The following KHNYN variants were observed in gnomAD, a reference collection of about 807,000 sequenced individuals.
The protein encoded by KHNYN is KH and NYN domain containing.
In KHNYN, 42 loss-of-function variants were observed where a neutral mutation model predicts 62.7. The ratio of observed to expected loss-of-function variants is 0.67; its 90% confidence interval spans 0.52 to 0.87. KHNYN has a LOEUF of 0.87. KHNYN is among the 40% of genes least tolerant of loss of function. The pLI, the probability that KHNYN is intolerant of heterozygous loss-of-function variation, is 0.00. For missense variants in KHNYN, 829 were observed against 874.1 expected, an observed-to-expected ratio of 0.95 and a Z score of 0.65; for synonymous variants, 347 against 345.6, an observed-to-expected ratio of 1.00 and a Z score of -0.04.
chr14:24,437,566 C>T lies in KHNYN; in HGVS notation c.*281C>T, dbSNP rs1055060724. On this transcript the variant is annotated 3_prime_UTR_variant, in exon 8 of 8. Transcript: ENST00000553935. This position sits in a 1 kb window ranked among gnomAD's most constrained non-coding sequence, Gnocchi z 5.5. The stretch of plus-strand genomic sequence containing the variant: ...GGGGGCTGCTAGAGGGGATTAGTTC[C>T]GGAGACTGAGACTGTTGGCTCCACC... The T allele has an allele frequency of 5.2e-5, 16 of 308,574 alleles. No homozygotes were observed. Among genetic ancestry groups the T allele is most frequent in the African/African-American group, 2.8e-4 (13 of 46,928 alleles). The allele number at this position is 308,574 out of a possible 1,614,324, so 19.1% of individuals were successfully genotyped here.
chr14:24,429,852 C>A (rs1015350218), upstream of KHNYN: 3 of 1,015,170 alleles, frequency 3.0e-6, no homozygotes, highest in African/African-American at 1.7e-5. Flanking sequence ...GCCGAGCGGG[C>A]CCGTCGGGGC....
Position 24,429,968 on chromosome 14 carries a change from G to A in KHNYN, c.-169G>A, listed in dbSNP as rs2043073101. On this transcript the variant is annotated 5_prime_UTR_variant, in exon 1 of 8. In the 5' UTR this introduces an upstream ATG that the reference lacks. Transcript: ENST00000553935. ...ACTCAAGAAACAGTTTGCGTGCGAT[G>A]TGGACAAGAGAGGTCCCCGCTGGGT... 18 of 989,736 alleles carry A rather than the reference G, an allele frequency of 1.8e-5. No homozygotes were observed. In the South Asian group the frequency reaches 6.7e-4, roughly 37 times the overall value. The allele number at this position is 989,736 out of a possible 1,614,324, so 61.3% of individuals were successfully genotyped here. A position where few individuals can be genotyped will look rare whatever the true frequency, so the allele number is the denominator to read the frequency against.
upstream of KHNYN, chr14:24,428,242 C>T (rs767094845): frequency 1.9e-6 from 3 of 1,607,036 alleles, no homozygotes; most frequent in African/African-American, 4.0e-5. Context: ...TCTTCCCCCT[C>T]CCCACCCTCC....
At position 24,431,600 on chromosome 14, in the gene KHNYN, C is replaced by G; in HGVS notation, c.339C>G (p.Pro113=). 2 of 1,613,386 alleles carry G rather than the reference C, an allele frequency of 1.2e-6. No individual in the cohort carries two copies. The highest frequency in any genetic ancestry group is 1.7e-6 in the Non-Finnish European group (2 of 1,179,452). The change falls in exon 3 of 8, where the codon CCC becomes CCG. Residue 113 remains proline, a synonymous_variant. Coordinates refer to ENST00000553935, the MANE Select transcript of KHNYN (RefSeq NM_015299.3). ...GGAGCACGTCAGCCCATCTGGTGCCCAGGGCGCCAGGCTCACTGATGATCA... is the reference window on the plus strand; with the variant it reads ...GGAGCACGTCAGCCCATCTGGTGCCGAGGGCGCCAGGCTCACTGATGATCA... ...LAWSTSAHLV[P]RAPGSLMISG...
In KHNYN at chr14:24,436,483, C is replaced by T; in HGVS notation, c.1781C>T (p.Pro594Leu). ...GPTLDEFLKK[P>L]ARTQGSSKAQ... ...ACCCTGGATGAATTTCTGAAGAAGC[C>T]AGCCAGGTAATCAATCCCCTAGACT... is the stretch of plus-strand genomic sequence containing the variant. The change falls in exon 7 of 8, where the codon CCA becomes CTA. Residue 594 changes from proline (P) to leucine (L), a missense_variant. Physicochemically the swap from Pro to Leu is moderately conservative, Grantham distance 98. Coordinates refer to ENST00000553935, the MANE Select transcript of KHNYN (RefSeq NM_015299.3). The T allele has an allele frequency of 6.2e-7, 1 of 1,611,928 alleles. No homozygotes were observed. Among genetic ancestry groups the T allele is most frequent in the Non-Finnish European group, 8.5e-7 (1 of 1,178,896 alleles).
chr14:24,436,994 C>A (rs762007014), intron 7 of KHNYN, 42 bp from the exon 8 acceptor site: 16 of 1,584,750 alleles, frequency 1.0e-5, no homozygotes, highest in African/African-American at 1.4e-5. Flanking sequence ...TAATTTCCCC[C>A]CCAGGATGCT....
Position 24,441,329 on chromosome 14 carries a change from T to C in KHNYN, c.*4044T>C. 2.2e-6 allele frequency: 1 copy of C among 449,152 alleles called. No individual in the cohort carries two copies. Among genetic ancestry groups the C allele is most frequent in the South Asian group, 2.3e-5 (1 of 42,722 alleles). 27.8% of individuals were successfully genotyped at this position (449,152 alleles called of 1,614,324 possible). ...TGTAAGGAATAAATGATAATAAGCATAAAACACTTCAAATAGTGGCTGGTG... is the reference window on the plus strand; with the variant it reads ...TGTAAGGAATAAATGATAATAAGCACAAAACACTTCAAATAGTGGCTGGTG... On this transcript the variant is annotated 3_prime_UTR_variant, in exon 8 of 8. Transcript: ENST00000553935.
Position 24,432,199 on chromosome 14 carries a change from C to T in KHNYN, c.938C>T (p.Ala313Val). The change falls in exon 3 of 8, where the codon GCT (alanine) becomes GTT (valine). Residue 313 changes from alanine (A) to valine (V), a missense_variant. By Grantham distance (64) the Ala-to-Val change is moderately conservative. Around this residue, in one of 2 missense-constraint regions of KHNYN, gnomAD observed 559 missense variants for 527.0 expected, o/e 1.06. Coordinates refer to ENST00000553935, the MANE Select transcript of KHNYN (RefSeq NM_015299.3). This position sits in a 1 kb window ranked among gnomAD's most constrained non-coding sequence, Gnocchi z 5.6. ...AAGGCCCTGGGGAAGGAGGAGATAGCTCTGGGAGGAGGAGGGTTCTGTGTC... is the reference window on the plus strand; with the variant it reads ...AAGGCCCTGGGGAAGGAGGAGATAGTTCTGGGAGGAGGAGGGTTCTGTGTC... ...KGKALGKEEI[A>V]LGGGGFCVHR... is the part of the protein sequence containing the mutation. The T allele has an allele frequency of 6.3e-7, 1 of 1,587,722 alleles. No homozygotes were observed. Among genetic ancestry groups the T allele is most frequent in the Non-Finnish European group, 8.6e-7 (1 of 1,165,412 alleles).
At position 24,436,966 on chromosome 14, in the gene KHNYN, G is replaced by C. The variant is rs2043215024; in HGVS notation, c.1788-70G>C. The C allele has an allele frequency of 1.9e-6, 3 of 1,546,856 alleles. No individual in the cohort carries two copies. In the Admixed American group the frequency reaches 5.7e-5, roughly 30 times the overall value. ...AGGAATAGGCAGGACAATTACGAGAGGGGTGCCCACTAAGATCTAATTTCC... is the reference window on the plus strand; with the variant it reads ...AGGAATAGGCAGGACAATTACGAGACGGGTGCCCACTAAGATCTAATTTCC... On this transcript the variant is annotated intron_variant, in intron 7 of 7. Coordinates refer to ENST00000553935, the MANE Select transcript of KHNYN (RefSeq NM_015299.3).
rs1326768726 is a variant in KHNYN, at chr14:24,440,755, C to T, written c.*3470C>T. 1 of 1,611,176 alleles carries T rather than the reference C, an allele frequency of 6.2e-7. No homozygotes were observed. The highest frequency in any genetic ancestry group is 8.5e-7 in the Non-Finnish European group (1 of 1,178,260). ...CCAGCCCAGAGAAGACATTCCAACC[C>T]TGTCTGATACCCAGGCCCGTTTCTC... On this transcript the variant is annotated 3_prime_UTR_variant, in exon 8 of 8. Coordinates refer to ENST00000553935, the MANE Select transcript of KHNYN (RefSeq NM_015299.3).
rs1566507081 is a variant in KHNYN at position 24,441,008 on chromosome 14, CCTT to C, written c.*3726_*3728del. The C allele has an allele frequency of 1.4e-6, 2 of 1,421,906 alleles. No homozygotes were observed. The highest frequency in any genetic ancestry group is 2.3e-5 in the East Asian group (1 of 43,142). The allele number at this position is 1,421,906 out of a possible 1,614,324, so 88.1% of individuals were successfully genotyped here. On this transcript the variant is annotated 3_prime_UTR_variant, in exon 8 of 8. Coordinates refer to ENST00000553935, the MANE Select transcript of KHNYN (RefSeq NM_015299.3). ...GTAGTGGAGGCTCCCCTTGGCCTCA[CCTT>C]CTCTGGCCCTTAGGATCTCCCCATT...
intron 7 of KHNYN, 97 bp downstream of exon 7, chr14:24,436,586 C>T (rs887769291): frequency 4.5e-6 from 4 of 880,724 alleles, no homozygotes; most frequent in Non-Finnish European, 6.9e-6. Flanking sequence ...TCAGTTTGGG[C>T]CAGCTTAATT....
intron 5 of KHNYN, among the ~76,000 whole-genome samples, chr14:24,435,162 G>A (rs1431991940): frequency 6.6e-6 from 1 of 152,358 alleles, no homozygotes; most frequent in South Asian, 2.1e-4. Context: ...CTGTTCCTTA[G>A]CAAGTCTTGG....
intron 5 of KHNYN, among the ~76,000 whole-genome samples, chr14:24,433,936 T>G (rs1201106846): frequency 6.6e-6 from 1 of 152,158 alleles, no homozygotes; most frequent in East Asian, 1.9e-4. Flanking sequence ...TACAAGTTCT[T>G]TATTCTCTAG....
rs1228171065 is a variant in KHNYN, at chr14:24,436,920, C to T, written c.1788-116C>T. On this transcript the variant is annotated intron_variant, in intron 7 of 7. Transcript: ENST00000553935. The stretch of plus-strand genomic sequence containing the variant: ...ACTCAGTGGTCAGCTTCAGGAACTT[C>T]AGGATTTCTCCCCCAAAGCCAGGAA... The T allele has an allele frequency of 3.6e-6, 5 of 1,382,442 alleles. No individual in the cohort carries two copies. In the African/African-American group the frequency reaches 7.2e-5, roughly 20 times the overall value. 85.6% of individuals were successfully genotyped at this position (1,382,442 alleles called of 1,614,324 possible).
In KHNYN at chr14:24,437,216, C is replaced by T. The variant is rs1258596179; in HGVS notation, c.1968C>T (p.Ile656=). The T allele has an allele frequency of 7.4e-6, 12 of 1,614,116 alleles. No homozygotes were observed. Among genetic ancestry groups the T allele is most frequent in the Non-Finnish European group, 9.3e-6 (11 of 1,180,034 alleles). ...GTCAGGATCACAAAGTGGACTTCATCCTGCAGCGGGAGCCATACTGCCGGG... is the reference window on the plus strand; with the variant it reads ...GTCAGGATCACAAAGTGGACTTCATTCTGCAGCGGGAGCCATACTGCCGGG... The part of the protein sequence containing the change: ...FWGQDHKVDF[I]LQREPYCRDI... Residue 656 remains isoleucine (I), a synonymous_variant, in exon 8 of 8, where the codon ATC becomes ATT. Coordinates refer to ENST00000553935, the MANE Select transcript of KHNYN (RefSeq NM_015299.3). This position sits in a 1 kb window ranked among gnomAD's most constrained non-coding sequence, Gnocchi z 5.5.
In KHNYN at chr14:24,430,944, T is replaced by TCTCCCCCATCC. The variant is rs2043098575; in HGVS notation, c.201+18_201+28dup. The TCTCCCCCATCC allele has an allele frequency of 1.9e-6, 3 of 1,605,238 alleles. No individual in the cohort carries two copies. Among genetic ancestry groups the TCTCCCCCATCC allele is most frequent in the Non-Finnish European group, 2.6e-6 (3 of 1,173,814 alleles). On this transcript the variant is annotated intron_variant, in intron 2 of 7. Coordinates refer to ENST00000553935, the MANE Select transcript of KHNYN (RefSeq NM_015299.3). ...CAGCAGAGCCAAGGTGAACGCCTTCTCTCCCCCATCCCTCCAGGCACCAAG... is the reference window on the plus strand; with the variant it reads ...CAGCAGAGCCAAGGTGAACGCCTTCTCTCCCCCATCCCTCCCCCATCCCTCCAGGCACCAAG...
Position 24,432,533 on chromosome 14 carries a change from C to G in KHNYN, c.1272C>G (p.Phe424Leu). The change falls in exon 3 of 8, where the codon TTC becomes TTG. Residue 424 changes from phenylalanine to leucine, a missense_variant. Coordinates refer to ENST00000553935, the MANE Select transcript of KHNYN (RefSeq NM_015299.3). The surrounding 1 kb of genome is among the most constrained non-coding windows in gnomAD (Gnocchi z 5.6). ...QRFKEALQDP[F>L]TLCLANVPGQ... ...TCAAGGAGGCCCTGCAGGATCCTTT[C>G]ACCCTGTGCCTTGCCAATGTGCCTG... The G allele has an allele frequency of 6.2e-7, 1 of 1,612,200 alleles. No individual in the cohort carries two copies. The highest frequency in any genetic ancestry group is 8.5e-7 in the Non-Finnish European group (1 of 1,178,624).
At chr14:24,429,648 G>C (rs76562148), upstream of KHNYN, 63,227 of 1,128,722 alleles carry the variant, frequency 0.056, 2,122 homozygotes, top group African/African-American at 0.14. Flanking sequence ...CTTGGGCCTA[G>C]AGCACCAGTG....
Sources: allele counts gnomAD v4.1 joint callset (sites outside exome capture counted in the v4.1 genomes callset), GRCh38; gene constraint gnomAD v4.1.1; regional missense constraint gnomAD v4.1.1; non-coding constraint Gnocchi (gnomAD v3.1); transcripts MANE v1.5; gene names NCBI Gene and HGNC (gene_info 2026-07-23, HGNC 2026-07-21).